The following PLEKHA7 variants were observed in gnomAD, a reference collection of about 807,000 sequenced individuals.
PLEKHA7 encodes the protein pleckstrin homology domain-containing family A member 7.
A neutral mutation model predicts 170.0 loss-of-function variants in PLEKHA7; 104 were observed. The observed-to-expected ratio is 0.61, with a 90% confidence interval of 0.52 to 0.72. The LOEUF (loss-of-function observed/expected upper bound fraction) is 0.72. Ranked by LOEUF, PLEKHA7 falls within the 30% of genes least tolerant of loss-of-function variation. The pLI, the probability that PLEKHA7 is intolerant of heterozygous loss-of-function variation, is 0.00. For synonymous variants in PLEKHA7, 648 were observed against 660.8 expected, an observed-to-expected ratio of 0.98 and a Z score of 0.30; for missense variants, 1,615 against 1,671.7, an observed-to-expected ratio of 0.97 and a Z score of 0.59.
chr11:16,901,324 A>C (rs1001209850), intron 3 of PLEKHA7, among the ~76,000 whole-genome samples: 2 of 152,238 alleles, frequency 1.3e-5, no homozygotes, highest in Admixed American at 6.5e-5. Flanking sequence ...CAATAGGCTG[A>C]GAGCTCAATA....
intron 3 of PLEKHA7, among the ~76,000 whole-genome samples, chr11:16,962,406 C>G (rs1013421772): frequency 1.3e-5 from 2 of 152,206 alleles, no homozygotes; most frequent in African/African-American, 4.8e-5. Context: ...GCAACACTCA[C>G]GACCCAAAAC....
chr11:16,901,207 T>C (rs1166087206), intron 3 of PLEKHA7, among the ~76,000 whole-genome samples: 1 of 152,162 alleles, frequency 6.6e-6, no homozygotes, highest in African/African-American at 2.4e-5. Flanking sequence ...TTTGGTTCCC[T>C]ACTTATAAAA....
chr11:16,911,355 C>A (rs1858232172), intron 3 of PLEKHA7, among the ~76,000 whole-genome samples: 1 of 152,176 alleles, frequency 6.6e-6, no homozygotes, highest in South Asian at 2.1e-4. Flanking sequence ...GGGGCAGCTG[C>A]AACCACAAAA....
At chr11:16,779,072 C>A (rs936789855) in intron 26 of PLEKHA7, 52 bp from the exon 27 acceptor site, 1 of 702,418 alleles carries the variant, frequency 1.4e-6, no homozygotes, top group Non-Finnish European at 2.6e-6. Flanking sequence ...GGAGCAGGCA[C>A]GTCTGCACAC....
chr11:16,990,189 T>A (rs544435544), intron 3 of PLEKHA7, among the ~76,000 whole-genome samples: 2 of 137,158 alleles, frequency 1.5e-5, no homozygotes, highest in Non-Finnish European at 3.1e-5. Context: ...TAAAAATAAA[T>A]AAATAAATAA....
At chr11:16,962,100 TGCCCTGTGCTTCAGATGAGGAGGCA>T (rs1862098512) in intron 3 of PLEKHA7, among the ~76,000 whole-genome samples, 2 of 152,352 alleles carry the variant, frequency 1.3e-5, no homozygotes, top group South Asian at 2.1e-4. Context: ...CCTAAAACAG[TGCCCTGTGCTTCAGATGAGGAGGCA>T]GCCCTGTGGC....
At chr11:16,867,089 T>G (rs1590393506) in intron 4 of PLEKHA7, among the ~76,000 whole-genome samples, 2 of 148,008 alleles carry the variant, frequency 1.4e-5, no homozygotes, top group African/African-American at 2.5e-5. Context: ...CACTTGGGGG[T>G]GGGGGGTGAA....
intron 3 of PLEKHA7, among the ~76,000 whole-genome samples, chr11:16,938,323 T>G (rs1284342300): frequency 6.6e-6 from 1 of 152,154 alleles, no homozygotes; most frequent in African/African-American, 2.4e-5. Context: ...TGCATTCTGT[T>G]TGATTTGTGT....
chr11:16,793,042 C>T (rs559995990), intron 19 of PLEKHA7, among the ~76,000 whole-genome samples: 4 of 152,240 alleles, frequency 2.6e-5, no homozygotes, highest in Admixed American at 1.3e-4. Flanking sequence ...TGATGCTCAC[C>T]CAAGCTGAGA....
At chr11:16,947,312 T>C (rs938651509) in intron 3 of PLEKHA7, among the ~76,000 whole-genome samples, 8 of 152,238 alleles carry the variant, frequency 5.3e-5, no homozygotes, top group African/African-American at 1.9e-4. Flanking sequence ...AAATAGAGGC[T>C]GGGTGTGGTG....
chr11:16,963,275 GTTC>G (rs1862177625), intron 3 of PLEKHA7, among the ~76,000 whole-genome samples: 1 of 152,036 alleles, frequency 6.6e-6, no homozygotes, highest in African/African-American at 2.4e-5. Flanking sequence ...AGAGGTATGT[GTTC>G]CAATTTGGTT....
chr11:16,790,635 G>A lies in PLEKHA7; in HGVS notation c.3052+163C>T, dbSNP rs918240157. On this transcript the variant is annotated intron_variant, in intron 21 of 26. Coordinates refer to ENST00000531066, the MANE Select transcript of PLEKHA7 (RefSeq NM_001329630.2). The stretch of plus-strand genomic sequence containing the variant: ...AAGAGAATCAGGATGTGGGCCAGAG[G>A]AAGACAGGCCAGGTCCTCCCTCTTG... The A allele has an allele frequency of 2.8e-5, 18 of 637,162 alleles. No homozygotes were observed. In the Admixed American group the frequency reaches 4.4e-4, roughly 16 times the overall value. The allele number at this position is 637,162 out of a possible 1,614,324, so 39.5% of individuals were successfully genotyped here.
chr11:16,950,535 T>C (rs1168767535), intron 3 of PLEKHA7, among the ~76,000 whole-genome samples: 1 of 151,638 alleles, frequency 6.6e-6, no homozygotes, highest in Non-Finnish European at 1.5e-5. Flanking sequence ...AAATCTCTGC[T>C]GGATACAGAA....
chr11:16,790,248 GAGA>G (rs1247346345), intron 21 of PLEKHA7: 3 of 265,476 alleles, frequency 1.1e-5, no homozygotes, highest in South Asian at 4.9e-5. Flanking sequence ...GGAGGACAGT[GAGA>G]AGGACACTCA....
At chr11:16,918,562 C>T (rs1477165894) in intron 3 of PLEKHA7, among the ~76,000 whole-genome samples, 2 of 152,232 alleles carry the variant, frequency 1.3e-5, no homozygotes, top group Non-Finnish European at 2.9e-5. Flanking sequence ...TACTGACCAG[C>T]TGGTAAAATG....
chr11:16,982,695 C>T (rs1863503099), intron 3 of PLEKHA7, among the ~76,000 whole-genome samples: 1 of 151,950 alleles, frequency 6.6e-6, no homozygotes, highest in African/African-American at 2.4e-5. Context: ...GTGTCCACGA[C>T]CTGACCCAGG....
intron 3 of PLEKHA7, among the ~76,000 whole-genome samples, chr11:16,956,713 A>C (rs1447566633): frequency 2.0e-5 from 3 of 152,190 alleles, no homozygotes; most frequent in Non-Finnish European, 4.4e-5. Context: ...CTGGGCCCTA[A>C]TCCACAATCT....
At chr11:16,889,420 A>AAAATATATAT (rs61086849) in intron 3 of PLEKHA7, among the ~76,000 whole-genome samples, 4 of 74,686 alleles carry the variant, frequency 5.4e-5, no homozygotes, top group Non-Finnish European at 9.5e-5. Flanking sequence ...AAAAAAAAAA[A>AAAATATATAT]ATATATATAT....
chr11:16,885,025 TGAA>T (rs141918224), intron 3 of PLEKHA7, among the ~76,000 whole-genome samples: 25,342 of 152,212 alleles, frequency 0.17, 2,598 homozygotes, highest in Non-Finnish European at 0.24. Flanking sequence ...CTTCTTTTCA[TGAA>T]GAAGATCTGT....
Sources: gnomAD v4.1 joint callset for allele counts (sites outside exome capture counted in the v4.1 genomes callset) on GRCh38, gnomAD v4.1.1 for gene constraint, MANE v1.5 for transcripts, NCBI Gene and HGNC (gene_info 2026-07-23, HGNC 2026-07-21) for gene names.